CEP126: variants seen among roughly 807,000 people sequenced by gnomAD.
CEP126 encodes centrosomal protein of 126 kDa.
Under a neutral mutation model 107.8 loss-of-function variants are expected in CEP126, and 74 were observed. That is an observed-to-expected ratio of 0.69 (90% CI 0.57 to 0.83). CEP126 has a LOEUF of 0.83. Ranked by LOEUF, CEP126 falls within the 40% of genes least tolerant of loss-of-function variation. The probability of loss-of-function intolerance (pLI) is 0.00; values close to 1 mark genes in which losing one functional copy is unlikely to be tolerated. For synonymous variants in CEP126, 449 were observed against 446.0 expected (o/e 1.01, Z -0.08); for missense variants, 1,237 against 1,281.9 (o/e 0.96, Z 0.53).
At chr11:101,949,250 A>G (rs777074404) in intron 4 of CEP126, among the ~76,000 whole-genome samples, 3 of 152,244 alleles carry the variant, frequency 2.0e-5, no homozygotes, top group Non-Finnish European at 2.9e-5. Flanking sequence ...TCTGTATGCC[A>G]AGAAATATAA....
Position 101,987,527 on chromosome 11 carries a change from T to C in CEP126, c.3244+486T>C, listed in dbSNP as rs866218972. ...TTGAACTTTGCTTTCCATGGCCTCA[T>C]AGGAAAAAGGGAACAGGCCTACTCA... On this transcript the variant is annotated intron_variant, in intron 9 of 10. Coordinates refer to ENST00000263468, the MANE Select transcript of CEP126 (RefSeq NM_020802.4). 6.6e-5 allele frequency among the ~76,000 whole-genome samples: 10 copies of C among 152,044 alleles called. No individual in the cohort carries two copies. In the South Asian group the frequency reaches 2.1e-3, roughly 32 times the overall value.
intron 7 of CEP126, among the ~76,000 whole-genome samples, chr11:101,980,156 T>C (rs1175428589): frequency 6.6e-6 from 1 of 152,206 alleles, no homozygotes; most frequent in African/African-American, 2.4e-5. Flanking sequence ...ACATTACCCA[T>C]ATATTTTTAT....
intron 3 of CEP126, among the ~76,000 whole-genome samples, chr11:101,947,533 G>T (rs544439663): frequency 1.4e-4 from 21 of 152,218 alleles, no homozygotes; most frequent in Non-Finnish European, 2.2e-4. Flanking sequence ...GTATGACCTT[G>T]AGCAAGTTAC....
At chr11:101,976,896 T>C (rs931845517) in intron 6 of CEP126, among the ~76,000 whole-genome samples, 2 of 152,210 alleles carry the variant, frequency 1.3e-5, no homozygotes, top group African/African-American at 4.8e-5. Context: ...AAGTTAAGCA[T>C]TTTACTATAA....
At chr11:101,977,820 A>G (rs79873600) in intron 6 of CEP126, among the ~76,000 whole-genome samples, 1,838 of 152,234 alleles carry the variant, frequency 0.012, 44 homozygotes, top group African/African-American at 0.042. Flanking sequence ...CTGGGCACAC[A>G]TAAATTTTAG....
chr11:101,963,068 C>T lies in CEP126; in HGVS notation c.2033C>T (p.Thr678Ile). ...GGAAGCAACATAATTAGTGTTTCTA[C>T]TTGTGCTGTAAATTCTGCTGATACA... ...GAGSNIISVSTCAVNSADTKK... is the reference protein window; with the variant it reads ...GAGSNIISVSICAVNSADTKK... The change falls in exon 6 of 11, where the codon ACT becomes ATT. Residue 678 changes from threonine (T) to isoleucine (I), a missense_variant. Physicochemically the swap from Thr to Ile is moderately conservative, Grantham distance 89. Around this residue, in one of 3 missense-constraint regions of CEP126, gnomAD observed 1,134 missense variants for 1,150.5 expected, o/e 0.99. Coordinates refer to ENST00000263468, the MANE Select transcript of CEP126 (RefSeq NM_020802.4). The T allele has an allele frequency of 6.2e-7, 1 of 1,614,096 alleles. No individual in the cohort carries two copies. The highest frequency in any genetic ancestry group is 8.5e-7 in the Non-Finnish European group (1 of 1,179,978).
At chr11:101,943,475 C>T (rs921844014) in intron 2 of CEP126, among the ~76,000 whole-genome samples, 4 of 151,576 alleles carry the variant, frequency 2.6e-5, no homozygotes, top group African/African-American at 7.3e-5. Context: ...GGAGGTTTCT[C>T]TACCAGTGAT....
In CEP126 at chr11:101,967,788, T is replaced by C. The variant is rs994748724; in HGVS notation, c.2845+3908T>C. Among the ~76,000 whole-genome samples the C allele has an allele frequency of 1.3e-5, 2 of 152,186 alleles. 1 individual carries two copies. Among genetic ancestry groups the C allele is most frequent in the Non-Finnish European group, 2.9e-5 (2 of 68,024 alleles). On this transcript the variant is annotated intron_variant, in intron 6 of 10. Coordinates refer to ENST00000263468, the MANE Select transcript of CEP126 (RefSeq NM_020802.4). ...CAATATTATGGCTAATGGATACATC[T>C]GTGGGTAACAAAAGTATAGCAGAAA...
intron 5 of CEP126, among the ~76,000 whole-genome samples, chr11:101,960,445 A>T (rs1168016000): frequency 6.6e-6 from 1 of 152,188 alleles, no homozygotes; most frequent in Admixed American, 6.5e-5. Context: ...GCCTGATTTC[A>T]TCATCATTAT....
At chr11:101,933,588 G>C (rs1169171711) in intron 2 of CEP126, among the ~76,000 whole-genome samples, 1 of 152,074 alleles carries the variant, frequency 6.6e-6, no homozygotes, top group Admixed American at 6.6e-5. Context: ...TACAGTGCCT[G>C]ACCATACTAA....
chr11:101,950,875 C>G (rs931691412), intron 4 of CEP126, among the ~76,000 whole-genome samples: 1 of 152,102 alleles, frequency 6.6e-6, no homozygotes, highest in Non-Finnish European at 1.5e-5. Flanking sequence ...AGTGCGGAGC[C>G]AATGGAGGTT....
intron 4 of CEP126, among the ~76,000 whole-genome samples, chr11:101,957,957 T>C (rs1484927208): frequency 2.0e-5 from 3 of 152,200 alleles, no homozygotes; most frequent in African/African-American, 7.2e-5. Context: ...GTGGAGTTCT[T>C]TACTGGTACT....
At chr11:101,954,758 CAA>C (rs780686909) in intron 4 of CEP126, among the ~76,000 whole-genome samples, 4 of 151,786 alleles carry the variant, frequency 2.6e-5, no homozygotes, top group Admixed American at 6.6e-5. Context: ...CACAGATAAC[CAA>C]TAATCTTAAG....
At chr11:101,936,851 T>G (rs183140250) in intron 2 of CEP126, among the ~76,000 whole-genome samples, 1 of 152,334 alleles carries the variant, frequency 6.6e-6, no homozygotes, top group Non-Finnish European at 1.5e-5. Flanking sequence ...TATAGTGAGA[T>G]GCACTAATTT....
intron 2 of CEP126, among the ~76,000 whole-genome samples, chr11:101,933,750 G>A (rs1940534403): frequency 6.6e-6 from 1 of 151,598 alleles, no homozygotes; most frequent in Non-Finnish European, 1.5e-5. Flanking sequence ...CGCCAATCAT[G>A]TAAATGCTCA....
intron 2 of CEP126, among the ~76,000 whole-genome samples, chr11:101,931,480 G>A (rs767658606): frequency 2.6e-5 from 4 of 152,016 alleles, no homozygotes; most frequent in Non-Finnish European, 4.4e-5. Flanking sequence ...ATTGGGTTTA[G>A]TTCTATTATA....
rs1941500798 is a variant in CEP126, at chr11:102,000,878, GT to G, written c.*3236del. 1.3e-5 allele frequency: 2 copies of G among 152,088 alleles called. No individual in the cohort carries two copies. The highest frequency in any genetic ancestry group is 1.3e-4 in the Admixed American group (2 of 15,270). The allele number at this position is 152,088 out of a possible 1,614,324, so 9.4% of individuals were successfully genotyped here. On this transcript the variant is annotated 3_prime_UTR_variant, in exon 11 of 11. Transcript: ENST00000263468. ...CATGAACTTATTTTAAATCCATATTGTACCAGAATGACTATGTCTGTGTTTC... is the reference window on the plus strand; with the variant it reads ...CATGAACTTATTTTAAATCCATATTGACCAGAATGACTATGTCTGTGTTTC...
At chr11:101,956,347 A>T in intron 4 of CEP126, 1 of 456,046 alleles carries the variant, frequency 2.2e-6, no homozygotes, top group Non-Finnish European at 4.4e-6. Flanking sequence ...CTTATCCACC[A>T]GTCCCCACTC....
intron 1 of CEP126, among the ~76,000 whole-genome samples, chr11:101,918,546 T>C (rs1441115341): frequency 6.6e-6 from 1 of 152,220 alleles, no homozygotes; most frequent in Non-Finnish European, 1.5e-5. Flanking sequence ...CTCATGAGAT[T>C]TTGAAACTTA....
Sources: gnomAD v4.1 joint callset for allele counts (sites outside exome capture counted in the v4.1 genomes callset) on GRCh38, gnomAD v4.1.1 for gene constraint, gnomAD v4.1.1 regional missense constraint, MANE v1.5 for transcripts, NCBI Gene and HGNC (gene_info 2026-07-23, HGNC 2026-07-21) for gene names.